The following TANGO6 variants were observed in gnomAD, a reference collection of about 807,000 sequenced individuals.
The protein encoded by TANGO6 is transport and Golgi organization protein 6 homolog.
A neutral mutation model predicts 114.2 loss-of-function variants in TANGO6; 90 were observed. That is an observed-to-expected ratio of 0.79 (90% confidence interval 0.66 to 0.94). The LOEUF (loss-of-function observed/expected upper bound fraction) is 0.94, where lower values mean the gene tolerates loss of function less well. Among genes scored for constraint, TANGO6 ranks in the 40% least tolerant of loss-of-function variants. The probability of loss-of-function intolerance (pLI) is 0.00; values close to 1 mark genes in which losing one functional copy is unlikely to be tolerated. For synonymous variants in TANGO6, 477 were observed against 509.8 expected, an observed-to-expected ratio of 0.94 and a Z score of 0.87; for missense variants, 1,274 against 1,315.3, an observed-to-expected ratio of 0.97 and a Z score of 0.49.
chr16:68,997,468 G>C (rs1339771495), intron 15 of TANGO6, among the ~76,000 whole-genome samples: 2 of 152,212 alleles, frequency 1.3e-5, no homozygotes, highest in Admixed American at 6.5e-5. Flanking sequence ...TCTGGACATT[G>C]CTATGGCATT....
At chr16:68,981,034 T>C (rs1186053921) in intron 15 of TANGO6, among the ~76,000 whole-genome samples, 6 of 152,032 alleles carry the variant, frequency 3.9e-5, no homozygotes, top group Admixed American at 2.0e-4. Flanking sequence ...TTCAGTCTCT[T>C]TTATTTAAGG....
chr16:68,983,664 G>A (rs1963862082), intron 15 of TANGO6, among the ~76,000 whole-genome samples: 1 of 152,146 alleles, frequency 6.6e-6, no homozygotes, highest in South Asian at 2.1e-4. Flanking sequence ...CCCTGCAGTT[G>A]AGTGTGGCAG....
intron 7 of TANGO6, among the ~76,000 whole-genome samples, chr16:68,888,147 A>G (rs1036841071): frequency 3.3e-5 from 5 of 152,118 alleles, no homozygotes; most frequent in African/African-American, 1.2e-4. Context: ...TCACTTCTAT[A>G]TATGTACCTT....
intron 12 of TANGO6, among the ~76,000 whole-genome samples, chr16:68,922,561 T>TA (rs201707264): frequency 1.8e-4 from 26 of 144,894 alleles, no homozygotes; most frequent in East Asian, 8.0e-4. Flanking sequence ...AATTTATAAT[T>TA]AAAAAAAAAA....
chr16:68,896,662 G>C (rs1206318218), intron 7 of TANGO6, among the ~76,000 whole-genome samples: 1 of 152,184 alleles, frequency 6.6e-6, no homozygotes, highest in African/African-American at 2.4e-5. Flanking sequence ...AAGGGAGGTA[G>C]ATTTGAGCTC....
intron 15 of TANGO6, chr16:69,006,980 G>T (rs941520496): frequency 1.3e-5 from 2 of 152,100 alleles, no homozygotes; most frequent in Non-Finnish European, 2.9e-5. Context: ...CTTAGAGTTG[G>T]ACATTTCATA....
chr16:69,071,986 C>G (rs1186267775), intron 17 of TANGO6, among the ~76,000 whole-genome samples: 3 of 148,934 alleles, frequency 2.0e-5, no homozygotes, highest in African/African-American at 7.6e-5. Context: ...TTCAGGCCAA[C>G]TGGCGCCTGG....
intron 14 of TANGO6, among the ~76,000 whole-genome samples, chr16:68,951,927 G>T (rs78648354): frequency 1.3e-5 from 2 of 151,874 alleles, no homozygotes; most frequent in Non-Finnish European, 1.5e-5. Flanking sequence ...CTGCTCTTAC[G>T]GATGGTAAAA....
intron 4 of TANGO6, among the ~76,000 whole-genome samples, chr16:68,871,926 A>C (rs971981917): frequency 1.3e-5 from 2 of 152,072 alleles, no homozygotes; most frequent in African/African-American, 4.8e-5. Flanking sequence ...GGCCAAGGGC[A>C]AATTTTTAAT....
At chr16:69,037,249 A>C (rs1959703318) in intron 16 of TANGO6, among the ~76,000 whole-genome samples, 1 of 152,056 alleles carries the variant, frequency 6.6e-6, no homozygotes, top group African/African-American at 2.4e-5. Context: ...CCCAACTGTG[A>C]GAGCCAGCCT....
chr16:68,859,950 T>A lies in TANGO6; in HGVS notation c.161T>A (p.Leu54Gln). 6.2e-7 allele frequency: 1 copy of A among 1,611,640 alleles called. No individual in the cohort carries two copies. The highest frequency in any genetic ancestry group is 8.5e-7 in the Non-Finnish European group (1 of 1,178,166). The change falls in exon 2 of 18, where the codon CTG (leucine) becomes CAG (glutamine). Residue 54 changes from leucine (L) to glutamine (Q), a missense_variant. Physicochemically the swap from Leu to Gln is moderately radical, Grantham distance 113. This residue lies in a region of TANGO6 where 114 missense variants were observed against 104.6 expected (regional missense o/e 1.09). Coordinates refer to ENST00000261778, the MANE Select transcript of TANGO6 (RefSeq NM_024562.2). ...DVLLATLKSN[L>Q]SALEDKFLKD... ...TTGTTGGCTACTTTAAAATCTAACC[T>A]GTCTGCTTTGGAGGACAAGTTTCTG...
chr16:68,973,621 A>G (rs1963732023), intron 14 of TANGO6, among the ~76,000 whole-genome samples: 1 of 152,114 alleles, frequency 6.6e-6, no homozygotes, highest in South Asian at 2.1e-4. Context: ...TGATTAGGAA[A>G]CTCAGCCATG....
At chr16:68,928,540 T>C (rs1963200764) in intron 13 of TANGO6, among the ~76,000 whole-genome samples, 1 of 152,022 alleles carries the variant, frequency 6.6e-6, no homozygotes, top group Non-Finnish European at 1.5e-5. Flanking sequence ...GACCTCGTGA[T>C]CCACCTGCCT....
chr16:68,861,232 C>T (rs1379187072), intron 2 of TANGO6, among the ~76,000 whole-genome samples: 4 of 152,162 alleles, frequency 2.6e-5, no homozygotes, highest in Non-Finnish European at 5.9e-5. Flanking sequence ...TCAGCATAGG[C>T]ACTGGCCAGC....
At chr16:69,059,086 T>TC (rs1960077667) in intron 17 of TANGO6, among the ~76,000 whole-genome samples, 1 of 151,500 alleles carries the variant, frequency 6.6e-6, no homozygotes, top group Admixed American at 6.6e-5. Flanking sequence ...TTCTTTTTTT[T>TC]TTTTTTGAGA....
chr16:69,014,895 C>CA (rs201424773), intron 15 of TANGO6, among the ~76,000 whole-genome samples: 11,955 of 97,052 alleles, frequency 0.12, 572 homozygotes, highest in African/African-American at 0.17. Context: ...GACCTTGTCT[C>CA]AAAAAAAAAA....
At position 68,981,099 on chromosome 16, in the gene TANGO6, T is replaced by C. The variant is rs534270131; in HGVS notation, c.2842+6931T>C. Among the ~76,000 whole-genome samples, 6 of 152,302 alleles carry C rather than the reference T, an allele frequency of 3.9e-5. No homozygotes were observed. In the East Asian group the frequency reaches 1.2e-3, roughly 29 times the overall value. Reference sequence around the variant, plus strand: ...AATTTAATCTTAACACGTTGTTAAATTACCAATCATTCCAAATGTTTTTCC... The same window carrying C: ...AATTTAATCTTAACACGTTGTTAAACTACCAATCATTCCAAATGTTTTTCC... On this transcript the variant is annotated intron_variant, in intron 15 of 17. Coordinates refer to ENST00000261778, the MANE Select transcript of TANGO6 (RefSeq NM_024562.2).
intron 14 of TANGO6, among the ~76,000 whole-genome samples, chr16:68,954,249 CAAAA>C (rs552507549): frequency 3.3e-5 from 2 of 60,150 alleles, no homozygotes; most frequent in Non-Finnish European, 6.8e-5. Flanking sequence ...GACTCCATCT[CAAAA>C]AAAAAAAAAA....
chr16:68,847,756 T>C (rs909714840), intron 1 of TANGO6, among the ~76,000 whole-genome samples: 4 of 152,070 alleles, frequency 2.6e-5, no homozygotes, highest in Non-Finnish European at 5.9e-5. Context: ...TCCTAGCACT[T>C]TGGGAGGCCA....
Sources: gnomAD v4.1 joint callset for allele counts (sites outside exome capture counted in the v4.1 genomes callset) on GRCh38, gnomAD v4.1.1 for gene constraint, gnomAD v4.1.1 regional missense constraint, MANE v1.5 for transcripts, NCBI Gene and HGNC (gene_info 2026-07-23, HGNC 2026-07-21) for gene names.